Variants in FILIP1 observed in about 807,000 individuals in gnomAD.
FILIP1 encodes the protein filamin-A-interacting protein 1.
A neutral mutation model predicts 102.1 loss-of-function variants in FILIP1; 61 were observed. The ratio of observed to expected loss-of-function variants is 0.60; its 90% CI spans 0.49 to 0.74. FILIP1 has a LOEUF of 0.74. Among genes scored for constraint, FILIP1 ranks in the 30% least tolerant of loss-of-function variants. FILIP1 has a pLI of 0.00. For synonymous variants in FILIP1, 491 were observed against 526.9 expected (o/e 0.93, Z 0.93); for missense variants, 1,314 against 1,441.2 (o/e 0.91, Z 1.43).
In FILIP1 at chr6:75,313,722, C is replaced by A; in HGVS notation, c.2110G>T (p.Ala704Ser). 6.4e-7 allele frequency: 1 copy of A among 1,566,434 alleles called. No homozygotes were observed. Among genetic ancestry groups the A allele is most frequent in the South Asian group, 1.2e-5 (1 of 80,472 alleles). ...AACCGAAATCTGTGTCTCAGTTCAGCTTCCTGGCTCACAACCTCACCCTTC... is the reference window on the plus strand; with the variant it reads ...AACCGAAATCTGTGTCTCAGTTCAGATTCCTGGCTCACAACCTCACCCTTC... ...IEKGEVVSQE[A>S]ELRHRFRLEE... The change falls in exon 5 of 6, where the codon GCT becomes TCT. Residue 704 changes from alanine to serine, a missense_variant. Around this residue, in one of 3 missense-constraint regions of FILIP1, gnomAD observed 816 missense variants for 913.1 expected, o/e 0.89. Transcript: ENST00000237172. This position sits in a 1 kb window ranked among gnomAD's most constrained non-coding sequence, Gnocchi z 4.2.
intron 2 of FILIP1, among the ~76,000 whole-genome samples, chr6:75,391,895 G>C (rs1776290936): frequency 1.3e-5 from 2 of 151,844 alleles, no homozygotes; most frequent in South Asian, 4.2e-4. Flanking sequence ...GGATTTCTTT[G>C]AGCCCACTCC....
chr6:75,307,342 A>C (rs1236298775), downstream of FILIP1, among the ~76,000 whole-genome samples: 1 of 152,214 alleles, frequency 6.6e-6, no homozygotes, highest in Non-Finnish European at 1.5e-5. Flanking sequence ...TTTTTAAAGA[A>C]GTATGCTTTT....
intron 4 of FILIP1, among the ~76,000 whole-genome samples, chr6:75,325,328 A>G (rs547518592): frequency 4.1e-4 from 63 of 152,344 alleles, no homozygotes; most frequent in African/African-American, 1.4e-3. Context: ...TGGCTGAGGC[A>G]GGAGAATTGC....
intron 4 of FILIP1, among the ~76,000 whole-genome samples, chr6:75,334,317 C>T (rs964444871): frequency 1.3e-5 from 2 of 152,178 alleles, no homozygotes; most frequent in Non-Finnish European, 2.9e-5. Flanking sequence ...GAGCACTCTT[C>T]ATACCATACC....
chr6:75,353,507 C>CA, intron 4 of FILIP1, 32 bp downstream of exon 4: 1 of 1,611,718 alleles, frequency 6.2e-7, no homozygotes. Flanking sequence ...TATGGGCATC[C>CA]AGATGTGACT....
chr6:75,478,205 A>C (rs1779543658), intron 1 of FILIP1, among the ~76,000 whole-genome samples: 1 of 152,212 alleles, frequency 6.6e-6, no homozygotes, highest in Admixed American at 6.5e-5. Flanking sequence ...AGCTTGGCTT[A>C]AAATGCTTCA....
chr6:75,433,824 C>T (rs1225208374), intron 1 of FILIP1, among the ~76,000 whole-genome samples: 1 of 152,098 alleles, frequency 6.6e-6, no homozygotes, highest in African/African-American at 2.4e-5. Context: ...GGTTTTAGGT[C>T]TAACATTTAA....
intron 1 of FILIP1, among the ~76,000 whole-genome samples, chr6:75,476,336 T>C (rs932648521): frequency 1.3e-5 from 2 of 152,076 alleles, no homozygotes; most frequent in Non-Finnish European, 2.9e-5. Flanking sequence ...TAATTTGTCA[T>C]TCAGTTTAAC....
chr6:75,313,890 C>T lies in FILIP1; in HGVS notation c.1942G>A (p.Val648Met). ...GTCTTCATCAAATCCCCTTCGACCA[C>T]TTCCAATTGTTGGAGACGTTTCTTC... is the stretch of plus-strand genomic sequence containing the variant. ...RLKKRLQQLE[V>M]VEGDLMKTED... Residue 648 changes from valine (V) to methionine (M), a missense_variant, in exon 5 of 6, where the codon GTG (valine) becomes ATG (methionine). Val to Met is a conservative substitution (Grantham distance 21). Coordinates refer to ENST00000237172, the MANE Select transcript of FILIP1 (RefSeq NM_015687.5). The surrounding 1 kb of genome is among the most constrained non-coding windows in gnomAD (Gnocchi z 4.2). The T allele has an allele frequency of 6.2e-7, 1 of 1,614,012 alleles. No individual in the cohort carries two copies. The highest frequency in any genetic ancestry group is 8.5e-7 in the Non-Finnish European group (1 of 1,179,982).
At chr6:75,415,383 GAAATA>G (rs1486715288) in intron 1 of FILIP1, among the ~76,000 whole-genome samples, 2 of 150,768 alleles carry the variant, frequency 1.3e-5, no homozygotes, top group East Asian at 3.9e-4. Flanking sequence ...AAACTGTTCT[GAAATA>G]AAATAAAAAT....
rs549283746 is a variant in FILIP1, at chr6:75,493,548, G to A, written c.-141C>T. ...CTATCCAGCCCAAAAGAATACAGAG[G>A]AAAAAGCTTTTCCCACTTTCTTTCC... On this transcript the variant is annotated 5_prime_UTR_variant, in exon 1 of 6. Coordinates refer to ENST00000237172, the MANE Select transcript of FILIP1 (RefSeq NM_015687.5). 1 of 152,262 alleles carries A rather than the reference G, an allele frequency of 6.6e-6. No individual in the cohort carries two copies. The highest frequency in any genetic ancestry group is 1.5e-5 in the Non-Finnish European group (1 of 68,034). 9.4% of individuals were successfully genotyped at this position (152,262 alleles called of 1,614,324 possible). A position where few individuals can be genotyped will look rare whatever the true frequency, so the allele number is the denominator to read the frequency against.
At chr6:75,377,631 T>C (rs1775789244) in intron 2 of FILIP1, among the ~76,000 whole-genome samples, 1 of 152,204 alleles carries the variant, frequency 6.6e-6, no homozygotes, top group Non-Finnish European at 1.5e-5. Flanking sequence ...AGCCTCTTGT[T>C]CTCTTTTGTG....
intron 5 of FILIP1, among the ~76,000 whole-genome samples, chr6:75,311,800 G>T (rs1326356002): frequency 6.6e-6 from 1 of 152,094 alleles, no homozygotes; most frequent in Non-Finnish European, 1.5e-5. Flanking sequence ...CCCAGCCCCA[G>T]CTATTTATTA....
intron 4 of FILIP1, among the ~76,000 whole-genome samples, chr6:75,338,147 T>C (rs1203357657): frequency 1.3e-5 from 2 of 152,232 alleles, no homozygotes; most frequent in African/African-American, 4.8e-5. Context: ...TTAGGAGCTA[T>C]GCAGAAAATA....
chr6:75,369,680 C>T (rs1252078939), intron 2 of FILIP1, among the ~76,000 whole-genome samples: 2 of 152,140 alleles, frequency 1.3e-5, no homozygotes, highest in African/African-American at 2.4e-5. Flanking sequence ...GGAATGCCCA[C>T]GAGCCTTGGA....
rs183360912 is a variant in FILIP1, at chr6:75,406,442, C to T, written c.276+8255G>A. ...TCCCATATTTTCATAATCTTTCCCT[C>T]CTTTGTATTCCTGTAATTTATATTG... On this transcript the variant is annotated intron_variant, in intron 2 of 5. Coordinates refer to ENST00000237172, the MANE Select transcript of FILIP1 (RefSeq NM_015687.5). 1.5e-3 allele frequency among the ~76,000 whole-genome samples: 225 copies of T among 152,266 alleles called. 1 individual carries two copies. The highest frequency in any genetic ancestry group is 5.2e-3 in the African/African-American group (217 of 41,556).
chr6:75,420,893 T>C (rs75580673), intron 1 of FILIP1, among the ~76,000 whole-genome samples: 2,053 of 152,304 alleles, frequency 0.013, 38 homozygotes, highest in African/African-American at 0.046. Context: ...TACCAATTGA[T>C]AGACACCATT....
chr6:75,308,050 A>G, downstream of FILIP1: 1 of 985,892 alleles, frequency 1.0e-6, no homozygotes, highest in Non-Finnish European at 1.2e-6. Flanking sequence ...TCTACAATAC[A>G]CACAGACACA....
chr6:75,373,623 A>G (rs964426495), intron 2 of FILIP1, among the ~76,000 whole-genome samples: 1 of 151,246 alleles, frequency 6.6e-6, no homozygotes, highest in Non-Finnish European at 1.5e-5. Context: ...AAAAAAATTT[A>G]AGTATACATT....
Sources: allele counts gnomAD v4.1 joint callset (sites outside exome capture counted in the v4.1 genomes callset), GRCh38; gene constraint gnomAD v4.1.1; regional missense constraint gnomAD v4.1.1; non-coding constraint Gnocchi (gnomAD v3.1); transcripts MANE v1.5; gene names NCBI Gene and HGNC (gene_info 2026-07-23, HGNC 2026-07-21).